The following NREP variants were observed in gnomAD, a reference collection of about 807,000 sequenced individuals.
The protein encoded by NREP is neuronal regeneration related protein, also known as neuronal regeneration-related protein.
NREP carries 5 observed loss-of-function variants against 8.6 expected under a neutral mutation model. The observed-to-expected ratio is 0.58, with a 90% CI of 0.30 to 1.22. The LOEUF (loss-of-function observed/expected upper bound fraction) is 1.22, where lower values mean the gene tolerates loss of function less well. NREP is among the 50% of genes most tolerant of loss of function. The probability of loss-of-function intolerance (pLI) is 0.07; values close to 1 mark genes in which losing one functional copy is unlikely to be tolerated. For synonymous variants in NREP, 27 were observed against 28.0 expected, an observed-to-expected ratio of 0.96 and a Z score of 0.11; for missense variants, 86 against 82.5, an observed-to-expected ratio of 1.04 and a Z score of -0.17.
chr5:111,804,013 A>G (rs1389199651), intron 2 of NREP, among the ~76,000 whole-genome samples: 2 of 152,088 alleles, frequency 1.3e-5, no homozygotes, highest in Non-Finnish European at 2.9e-5. Flanking sequence ...TTTTCCCTGG[A>G]TCTAACAAGT....
intron 2 of NREP, among the ~76,000 whole-genome samples, chr5:111,771,515 C>A (rs1037076345): frequency 6.6e-6 from 1 of 151,902 alleles, no homozygotes; most frequent in Non-Finnish European, 1.5e-5. Flanking sequence ...GTAATCCCAG[C>A]ATTTTGGTAG....
At chr5:111,903,275 G>T (rs1221730108) in intron 2 of NREP, among the ~76,000 whole-genome samples, 2 of 151,696 alleles carry the variant, frequency 1.3e-5, no homozygotes, top group African/African-American at 2.4e-5. Context: ...AGTAGAGACG[G>T]GGTTTCACCG....
intron 2 of NREP, among the ~76,000 whole-genome samples, chr5:111,879,812 G>T (rs996435570): frequency 1.5e-4 from 23 of 152,062 alleles, no homozygotes; most frequent in African/African-American, 5.6e-4. Context: ...GTCCCATATG[G>T]CAGGGAGAGA....
At chr5:111,765,340 A>G (rs1407894859) in intron 2 of NREP, among the ~76,000 whole-genome samples, 1 of 152,156 alleles carries the variant, frequency 6.6e-6, no homozygotes, top group Non-Finnish European at 1.5e-5. Flanking sequence ...CTGGTTCCTA[A>G]TAAGCCATAG....
At chr5:111,810,944 A>C (rs1031145319) in intron 2 of NREP, among the ~76,000 whole-genome samples, 4 of 152,216 alleles carry the variant, frequency 2.6e-5, no homozygotes, top group African/African-American at 9.7e-5. Context: ...TTATCTGGTC[A>C]ATACTCTGCA....
intron 2 of NREP, among the ~76,000 whole-genome samples, chr5:111,973,764 T>G (rs1171526012): frequency 6.6e-6 from 1 of 152,192 alleles, no homozygotes; most frequent in African/African-American, 2.4e-5. Flanking sequence ...CAATTTCTAT[T>G]CACAAGCCTA....
At chr5:111,944,307 C>A (rs1410688595) in intron 2 of NREP, among the ~76,000 whole-genome samples, 1 of 151,778 alleles carries the variant, frequency 6.6e-6, no homozygotes, top group Non-Finnish European at 1.5e-5. Flanking sequence ...TTTGTTCTTC[C>A]TCCATTTTTT....
rs4618 is a variant in NREP, at chr5:111,729,731, T to C, written c.*1190A>G. ...ACAACATTCCATGAGTAGATGGTAA[T>C]TTATTTTTGTTTATCCATTTCGTTG... On this transcript the variant is annotated 3_prime_UTR_variant, in exon 4 of 4. Transcript: ENST00000257435. 1 of 152,452 alleles carries C rather than the reference T, an allele frequency of 6.6e-6. No homozygotes were observed. Among genetic ancestry groups the C allele is most frequent in the Non-Finnish European group, 1.5e-5 (1 of 68,016 alleles). The allele number at this position is 152,452 out of a possible 1,614,324, so 9.4% of individuals were successfully genotyped here. A position where few individuals can be genotyped will look rare whatever the true frequency, so the allele number is the denominator to read the frequency against.
chr5:111,897,572 A>G (rs2112542847), intron 2 of NREP, among the ~76,000 whole-genome samples: 1 of 152,196 alleles, frequency 6.6e-6, no homozygotes, highest in Non-Finnish European at 1.5e-5. Flanking sequence ...TCTCTGTTCT[A>G]CTTGATATTA....
intron 2 of NREP, among the ~76,000 whole-genome samples, chr5:111,962,293 A>C (rs1756502415): frequency 6.6e-6 from 1 of 152,226 alleles, no homozygotes; most frequent in African/African-American, 2.4e-5. Flanking sequence ...ATCATTAAAA[A>C]AAAATCACTG....
intron 2 of NREP, among the ~76,000 whole-genome samples, chr5:111,953,361 C>A (rs750594510): frequency 1.3e-5 from 2 of 152,116 alleles, no homozygotes; most frequent in African/African-American, 2.4e-5. Flanking sequence ...CTTTTGAACA[C>A]TCTATGCCTG....
intron 2 of NREP, among the ~76,000 whole-genome samples, chr5:111,914,992 T>C (rs1193939791): frequency 6.6e-6 from 1 of 152,172 alleles, no homozygotes; most frequent in Non-Finnish European, 1.5e-5. Flanking sequence ...CTTTTCATTG[T>C]AGGTAAAGGT....
intron 2 of NREP, among the ~76,000 whole-genome samples, chr5:111,771,342 T>C (rs1311139716): frequency 2.0e-5 from 3 of 152,084 alleles, no homozygotes; most frequent in African/African-American, 4.8e-5. Context: ...GAGTAAATAC[T>C]CTGCCTGAGA....
intron 2 of NREP, among the ~76,000 whole-genome samples, chr5:111,804,710 C>A (rs1251976479): frequency 1.9e-4 from 28 of 150,974 alleles, no homozygotes; most frequent in African/African-American, 6.3e-4. Context: ...AAAAAAAAAA[C>A]AAACAAACAG....
At chr5:111,883,775 C>A (rs185286880) in intron 2 of NREP, among the ~76,000 whole-genome samples, 55 of 152,040 alleles carry the variant, frequency 3.6e-4, no homozygotes, top group African/African-American at 1.3e-3. Flanking sequence ...TTGAAACCAA[C>A]GAGAACAAAG....
intron 2 of NREP, among the ~76,000 whole-genome samples, chr5:111,928,194 A>T (rs550406799): frequency 6.6e-6 from 1 of 152,218 alleles, no homozygotes; most frequent in South Asian, 2.1e-4. Context: ...AATTTTGCAA[A>T]CTATTTACAT....
intron 2 of NREP, among the ~76,000 whole-genome samples, chr5:111,850,127 C>T (rs879479374): frequency 2.6e-5 from 4 of 152,198 alleles, no homozygotes; most frequent in African/African-American, 9.6e-5. Flanking sequence ...TTCTTCATGA[C>T]AAGTTCCGTG....
chr5:111,771,111 A>AT (rs1185431503), intron 2 of NREP, among the ~76,000 whole-genome samples: 1 of 152,214 alleles, frequency 6.6e-6, no homozygotes, highest in Non-Finnish European at 1.5e-5. Flanking sequence ...GGAGAATTGC[A>AT]TTGATACTTT....
At chr5:111,755,927 C>A in intron 1 of NREP, 97 bp from the exon 2 acceptor site, 1 of 1,541,750 alleles carries the variant, frequency 6.5e-7, no homozygotes, top group Non-Finnish European at 8.7e-7. Context: ...TAACCATTTT[C>A]TGTGGTTAAG....
Sources: gnomAD v4.1 joint callset for allele counts (sites outside exome capture counted in the v4.1 genomes callset) on GRCh38, gnomAD v4.1.1 for gene constraint, MANE v1.5 for transcripts, NCBI Gene and HGNC (gene_info 2026-07-23, HGNC 2026-07-21) for gene names.